RALYL: variants seen among roughly 807,000 people sequenced by gnomAD.
RALYL encodes the protein RNA-binding Raly-like protein.
RALYL carries 29 observed loss-of-function variants against 35.1 expected under a neutral mutation model. The observed-to-expected ratio is 0.83, with a 90% CI of 0.61 to 1.13. The LOEUF (loss-of-function observed/expected upper bound fraction) is 1.13. Ranked by LOEUF, RALYL falls within the 50% of genes most tolerant of loss-of-function variation. The probability of loss-of-function intolerance (pLI) is 0.00; values close to 1 mark genes in which losing one functional copy is unlikely to be tolerated. For missense variants in RALYL, 359 were observed against 360.4 expected (o/e 1.00, Z 0.03); for synonymous variants, 120 against 127.6 (o/e 0.94, Z 0.40).
intron 1 of RALYL, among the ~76,000 whole-genome samples, chr8:84,467,652 A>G (rs201067299): frequency 6.6e-6 from 1 of 152,006 alleles, no homozygotes; most frequent in African/African-American, 2.4e-5. Flanking sequence ...GTAGATGTCT[A>G]TTAGGTCCAC....
rs557150269 is a variant in RALYL at position 84,399,172 on chromosome 8, C to T, written c.-23-130127C>T. Reference sequence around the variant, plus strand: ...TGCTCTAACACAATATCACAAGCAGCAGGAGTTTCATTACTAAAGAATAAT... The same window carrying T: ...TGCTCTAACACAATATCACAAGCAGTAGGAGTTTCATTACTAAAGAATAAT... On this transcript the variant is annotated intron_variant, in intron 1 of 8. Transcript: ENST00000521268. Among the ~76,000 whole-genome samples, 12 of 152,238 alleles carry T rather than the reference C, an allele frequency of 7.9e-5. No homozygotes were observed. In the South Asian group the frequency reaches 1.0e-3, roughly 13 times the overall value.
At chr8:84,517,088 C>A (rs964109597) in intron 1 of RALYL, among the ~76,000 whole-genome samples, 1 of 152,058 alleles carries the variant, frequency 6.6e-6, no homozygotes, top group African/African-American at 2.4e-5. Context: ...GACATAAATT[C>A]TCAAAAAGAT....
At chr8:84,600,682 A>G (rs1435970408) in intron 2 of RALYL, among the ~76,000 whole-genome samples, 1 of 152,106 alleles carries the variant, frequency 6.6e-6, no homozygotes, top group Non-Finnish European at 1.5e-5. Flanking sequence ...TGATCTGGAT[A>G]TGACTGAGAG....
At chr8:84,651,549 A>G (rs1226176755) in intron 2 of RALYL, among the ~76,000 whole-genome samples, 1 of 152,022 alleles carries the variant, frequency 6.6e-6, no homozygotes, top group Non-Finnish European at 1.5e-5. Flanking sequence ...CCATAGAATA[A>G]ACACAGCATT....
chr8:84,843,208 C>T (rs1422210736), intron 4 of RALYL, among the ~76,000 whole-genome samples: 2 of 152,130 alleles, frequency 1.3e-5, no homozygotes, highest in East Asian at 3.9e-4. Context: ...GATTGTATAT[C>T]TAGAAAACCC....
chr8:84,524,010 T>C (rs13277634), intron 1 of RALYL, among the ~76,000 whole-genome samples: 1 of 151,666 alleles, frequency 6.6e-6, no homozygotes, highest in Non-Finnish European at 1.5e-5. Flanking sequence ...GCATGATTTA[T>C]AGTTCTTTGG....
At chr8:84,641,873 T>C (rs926065962) in intron 2 of RALYL, among the ~76,000 whole-genome samples, 3 of 151,376 alleles carry the variant, frequency 2.0e-5, no homozygotes, top group South Asian at 2.1e-4. Context: ...AAAACATTGA[T>C]ACCTTAAACA....
intron 2 of RALYL, among the ~76,000 whole-genome samples, chr8:84,561,535 T>A (rs1268711812): frequency 6.6e-6 from 1 of 151,918 alleles, no homozygotes; most frequent in Non-Finnish European, 1.5e-5. Flanking sequence ...ACAATAATAA[T>A]CTTCAATTTA....
chr8:84,615,691 C>A (rs990566935), intron 2 of RALYL, among the ~76,000 whole-genome samples: 4 of 138,766 alleles, frequency 2.9e-5, no homozygotes, highest in African/African-American at 1.1e-4. Flanking sequence ...GTGCGCTGCA[C>A]CCACTAACTC....
chr8:84,274,909 A>G (rs753881176), intron 1 of RALYL, among the ~76,000 whole-genome samples: 1 of 152,056 alleles, frequency 6.6e-6, no homozygotes, highest in Non-Finnish European at 1.5e-5. Flanking sequence ...GAGTGAAAAA[A>G]TCCCAGAGTT....
intron 1 of RALYL, among the ~76,000 whole-genome samples, chr8:84,227,061 T>TTTC (rs1268140634): frequency 1.6e-4 from 22 of 137,990 alleles, no homozygotes; most frequent in Non-Finnish European, 2.8e-4. Context: ...TATTTCTTTT[T>TTTC]TTTTTTTTTT....
intron 2 of RALYL, among the ~76,000 whole-genome samples, chr8:84,756,686 T>C (rs1811493765): frequency 1.3e-5 from 2 of 152,134 alleles, no homozygotes; most frequent in Non-Finnish European, 2.9e-5. Flanking sequence ...ATTCATATTT[T>C]AATATTCATA....
chr8:84,670,420 GTGA>G (rs2131810116), intron 2 of RALYL, among the ~76,000 whole-genome samples: 1 of 152,134 alleles, frequency 6.6e-6, no homozygotes, highest in East Asian at 1.9e-4. Context: ...CCCAAACAAA[GTGA>G]TGATTATAAA....
chr8:84,501,725 G>A (rs2169922), intron 1 of RALYL, among the ~76,000 whole-genome samples: 57,732 of 150,928 alleles, frequency 0.38, 11,116 homozygotes, highest in South Asian at 0.51. Flanking sequence ...TTTCTCTTAG[G>A]AAATATCTCT....
chr8:84,250,447 C>A (rs1726164860), intron 1 of RALYL, among the ~76,000 whole-genome samples: 1 of 151,828 alleles, frequency 6.6e-6, no homozygotes, highest in Non-Finnish European at 1.5e-5. Flanking sequence ...CTCACTGCAA[C>A]CTCTGCCTCC....
chr8:84,320,785 C>T (rs981757041), intron 1 of RALYL, among the ~76,000 whole-genome samples: 1 of 151,984 alleles, frequency 6.6e-6, no homozygotes, highest in Non-Finnish European at 1.5e-5. Flanking sequence ...AGTTAGAGAA[C>T]TAAAAACTAA....
At chr8:84,598,459 C>T (rs1815121954) in intron 2 of RALYL, among the ~76,000 whole-genome samples, 1 of 152,136 alleles carries the variant, frequency 6.6e-6, no homozygotes, top group South Asian at 2.1e-4. Flanking sequence ...TCTTGTCCTA[C>T]ATACCACATT....
At chr8:84,186,606 A>C (rs1487756932) in intron 1 of RALYL, among the ~76,000 whole-genome samples, 7 of 152,194 alleles carry the variant, frequency 4.6e-5, no homozygotes, top group African/African-American at 1.7e-4. Context: ...GCAAAGCACT[A>C]GCTGTACTGT....
intron 2 of RALYL, among the ~76,000 whole-genome samples, chr8:84,637,942 A>G (rs1470107497): frequency 2.0e-5 from 3 of 151,910 alleles, no homozygotes; most frequent in Non-Finnish European, 4.4e-5. Context: ...AGTACATTTA[A>G]AAGCTAGAAC....
Sources: allele counts gnomAD v4.1 joint callset (sites outside exome capture counted in the v4.1 genomes callset), GRCh38; gene constraint gnomAD v4.1.1; transcripts MANE v1.5; gene names NCBI Gene and HGNC (gene_info 2026-07-23, HGNC 2026-07-21).